The following BCL11A variants were observed in gnomAD, a reference collection of about 807,000 sequenced individuals.
The protein encoded by BCL11A is BCL11 transcription factor A, also known as B cell CLL/lymphoma 11A.
BCL11A carries 2 observed loss-of-function variants against 55.9 expected under a neutral mutation model. That is an observed-to-expected ratio of 0.04 (90% CI 0.01 to 0.11). BCL11A has a LOEUF of 0.11. Ranked by LOEUF, BCL11A falls within the 10% of genes least tolerant of loss-of-function variation. BCL11A has a pLI of 1.00. For missense variants in BCL11A, 817 were observed against 1,137.1 expected (o/e 0.72, Z 4.05); for synonymous variants, 465 against 473.4 (o/e 0.98, Z 0.23).
intron 3 of BCL11A, 131 bp from the exon 4 acceptor site, chr2:60,462,555 C>T (rs1237661494): frequency 6.3e-6 from 9 of 1,428,832 alleles, no homozygotes; most frequent in Non-Finnish European, 8.2e-6. Flanking sequence ...CCTCACTGAC[C>T]TACCCCCTGT....
chr2:60,488,867 C>T (rs1429252303), intron 2 of BCL11A, among the ~76,000 whole-genome samples: 1 of 152,220 alleles, frequency 6.6e-6, no homozygotes, highest in African/African-American at 2.4e-5. Flanking sequence ...TCAAGCGATT[C>T]TCCTGCCTCA....
At chr2:60,463,127 C>T (rs745421053) in intron 3 of BCL11A, among the ~76,000 whole-genome samples, 1 of 152,182 alleles carries the variant, frequency 6.6e-6, no homozygotes, top group Non-Finnish European at 1.5e-5. Flanking sequence ...ATTTTGGTTC[C>T]ACAACACCCC....
chr2:60,544,497 C>T (rs967658865), intron 2 of BCL11A: 35 of 152,138 alleles, frequency 2.3e-4, no homozygotes, highest in Admixed American at 1.8e-3. Flanking sequence ...CAGCAGATTT[C>T]CCATTTCACT....
intron 3 of BCL11A, among the ~76,000 whole-genome samples, chr2:60,467,230 GGTGGTA>G (rs1676733658): frequency 2.4e-5 from 3 of 126,502 alleles, no homozygotes; most frequent in African/African-American, 9.1e-5. Flanking sequence ...TGATGGTGGT[GGTGGTA>G]GTGATGGTGG....
At chr2:60,532,049 C>T (rs979705870) in intron 2 of BCL11A, among the ~76,000 whole-genome samples, 2 of 152,186 alleles carry the variant, frequency 1.3e-5, no homozygotes. Flanking sequence ...CTCAGCCTCA[C>T]GCCTCACCCC....
In BCL11A at chr2:60,513,046, G is replaced by A. The variant is rs150804737; in HGVS notation, c.385+32925C>T. ...CACCTCTGGTTACCCCCTGAGAAAG[G>A]CAGAGAAAGGACCCCCAGAACAGTC... On this transcript the variant is annotated intron_variant, in intron 2 of 3. Transcript: ENST00000642384. Among the ~76,000 whole-genome samples the A allele has an allele frequency of 9.6e-3, 1,462 of 152,210 alleles. 8 individuals carry two copies. The highest frequency in any genetic ancestry group is 0.015 in the Non-Finnish European group (1,032 of 68,002).
chr2:60,495,076 G>A (rs1279138375), intron 2 of BCL11A, among the ~76,000 whole-genome samples: 1 of 152,152 alleles, frequency 6.6e-6, no homozygotes, highest in East Asian at 1.9e-4. Flanking sequence ...AATTTTGGGA[G>A]TCCACACGGC....
In BCL11A at chr2:60,499,616, C is replaced by A. The variant is rs1444795060; in HGVS notation, c.386-30783G>T. ...CCACGGGCCAGGGCTAGCAAAAAGA[C>A]CCCTCCAACCCCTCATACCTCCCCA... On this transcript the variant is annotated intron_variant, in intron 2 of 3. Coordinates refer to ENST00000642384, the MANE Select transcript of BCL11A (RefSeq NM_022893.4). 3.9e-5 allele frequency: 6 copies of A among 152,438 alleles called. No homozygotes were observed. In the South Asian group the frequency reaches 1.0e-3, roughly 26 times the overall value. 9.4% of individuals were successfully genotyped at this position (152,438 alleles called of 1,614,324 possible).
intron 2 of BCL11A, among the ~76,000 whole-genome samples, chr2:60,528,808 GTAA>G (rs146481566): frequency 0.043 from 6,589 of 152,266 alleles, 467 homozygotes; most frequent in African/African-American, 0.15. Context: ...CAGACACATG[GTAA>G]TAATGACAAC....
intron 2 of BCL11A, among the ~76,000 whole-genome samples, chr2:60,518,665 C>T (rs1364461170): frequency 2.6e-5 from 4 of 152,124 alleles, no homozygotes; most frequent in African/African-American, 4.8e-5. Context: ...CAGCAGAGAA[C>T]GTTGAGAAAG....
intron 2 of BCL11A, chr2:60,483,976 A>G (rs1449534522): frequency 6.6e-6 from 1 of 151,984 alleles, no homozygotes; most frequent in Non-Finnish European, 1.5e-5. Flanking sequence ...TGTTAGATGT[A>G]ATGATTATCT....
At chr2:60,487,024 T>G (rs745682893) in intron 2 of BCL11A, among the ~76,000 whole-genome samples, 4 of 152,236 alleles carry the variant, frequency 2.6e-5, no homozygotes, top group Non-Finnish European at 5.9e-5. Context: ...CTCCTTTAAG[T>G]CTAACGTTGC....
At chr2:60,513,352 G>T (rs1473869707) in intron 2 of BCL11A, among the ~76,000 whole-genome samples, 1 of 152,138 alleles carries the variant, frequency 6.6e-6, no homozygotes, top group Non-Finnish European at 1.5e-5. Flanking sequence ...AGGAGTCCCT[G>T]CTCCCTCAGG....
chr2:60,499,263 T>C (rs1271630763), intron 2 of BCL11A, among the ~76,000 whole-genome samples: 5 of 151,974 alleles, frequency 3.3e-5, no homozygotes, highest in South Asian at 4.2e-4. Flanking sequence ...CTTCCGTCAC[T>C]CCCACAGAGC....
In BCL11A at chr2:60,459,397, A is replaced by T; in HGVS notation, c.*1007T>A. ...AATTTAATCATTGTTTAAAAAAAAT[A>T]AAACTTTGGGCAAAACAGCCCATTT... On this transcript the variant is annotated 3_prime_UTR_variant, in exon 4 of 4. Transcript: ENST00000642384. The T allele has an allele frequency of 9.8e-7, 1 of 1,021,002 alleles. No homozygotes were observed. Among genetic ancestry groups the T allele is most frequent in the South Asian group, 4.6e-5 (1 of 21,612 alleles). The allele number at this position is 1,021,002 out of a possible 1,614,324, so 63.2% of individuals were successfully genotyped here.
At chr2:60,530,396 C>T (rs1468390596) in intron 2 of BCL11A, among the ~76,000 whole-genome samples, 7 of 151,482 alleles carry the variant, frequency 4.6e-5, no homozygotes, top group Admixed American at 4.6e-4. Flanking sequence ...ACGCCGGCCA[C>T]GCCCCACCCC....
chr2:60,529,345 T>C (rs2556373), intron 2 of BCL11A, among the ~76,000 whole-genome samples: 140,488 of 152,270 alleles, frequency 0.92, 64,960 homozygotes, highest in East Asian at 1. Context: ...CCCGTGATTC[T>C]CCCCACTTTA....
intron 2 of BCL11A, among the ~76,000 whole-genome samples, chr2:60,477,060 C>T (rs959386762): frequency 9.2e-5 from 14 of 152,190 alleles, no homozygotes; most frequent in African/African-American, 3.4e-4. Context: ...CCCTGCCCCA[C>T]TCGAGAAATG....
chr2:60,531,106 G>A (rs1669436423), intron 2 of BCL11A, among the ~76,000 whole-genome samples: 1 of 151,610 alleles, frequency 6.6e-6, no homozygotes, highest in Admixed American at 6.6e-5. Context: ...CTTCTCCGGA[G>A]CAGATGGACT....
Sources: allele counts gnomAD v4.1 joint callset (sites outside exome capture counted in the v4.1 genomes callset), GRCh38; gene constraint gnomAD v4.1.1; transcripts MANE v1.5; gene names NCBI Gene and HGNC (gene_info 2026-07-23, HGNC 2026-07-21).